KCNJ2: variants seen among roughly 807,000 people sequenced by gnomAD.
KCNJ2 encodes the protein inward rectifier potassium channel 2.
A neutral mutation model predicts 28.4 loss-of-function variants in KCNJ2; 12 were observed. That is an observed-to-expected ratio of 0.42 (90% CI 0.27 to 0.68). The LOEUF is 0.68. Ranked by LOEUF, KCNJ2 falls within the 30% of genes least tolerant of loss-of-function variation. KCNJ2 has a pLI of 0.23. For missense variants in KCNJ2, 320 were observed against 551.3 expected, an observed-to-expected ratio of 0.58 and a Z score of 4.20; for synonymous variants, 200 against 203.2, an observed-to-expected ratio of 0.98 and a Z score of 0.13.
In KCNJ2 at chr17:70,176,269, C is replaced by T; in HGVS notation, c.1230C>T (p.Asn410=). ...TDTPPDIDLH[N]QASVPLEPRP... ...CGCCCCCTGACATAGACCTTCACAA[C>T]CAGGCAAGTGTACCTCTAGAGCCCA... Residue 410 remains asparagine, a synonymous_variant, in exon 2 of 2, where the codon AAC becomes AAT. Coordinates refer to ENST00000243457, the MANE Select transcript of KCNJ2 (RefSeq NM_000891.3). 1.9e-6 allele frequency: 3 copies of T among 1,614,166 alleles called. No homozygotes were observed. The highest frequency in any genetic ancestry group is 2.5e-6 in the Non-Finnish European group (3 of 1,180,042).
chr17:70,172,160 C>T (rs772173947), intron 1 of KCNJ2, among the ~76,000 whole-genome samples: 10 of 151,872 alleles, frequency 6.6e-5, no homozygotes, highest in East Asian at 3.9e-4. Flanking sequence ...ATATTAAGAC[C>T]GTTACCCCAT....
At position 70,175,474 on chromosome 17, in the gene KCNJ2, T is replaced by C. The variant is rs773185250; in HGVS notation, c.435T>C (p.Tyr145=). Residue 145 remains tyrosine (Y), a synonymous_variant, in exon 2 of 2, where the codon TAT becomes TAC. Coordinates refer to ENST00000243457, the MANE Select transcript of KCNJ2 (RefSeq NM_000891.3). This position sits in a 1 kb window ranked among gnomAD's most constrained non-coding sequence, Gnocchi z 8.3. ...FSIETQTTIG[Y]GFRCVTDECP... ...TTGAGACCCAGACAACCATAGGCTA[T>C]GGTTTCAGATGTGTCACGGATGAAT... 2 of 1,614,224 alleles carry C rather than the reference T, an allele frequency of 1.2e-6. No homozygotes were observed. The highest frequency in any genetic ancestry group is 3.3e-5 in the Admixed American group (2 of 60,030).
chr17:70,175,552 C>T lies in KCNJ2; in HGVS notation c.513C>T (p.Ile171=), dbSNP rs573888708. 1.8e-5 allele frequency: 29 copies of T among 1,614,144 alleles called. No individual in the cohort carries two copies. The highest frequency in any genetic ancestry group is 8.3e-5 in the Admixed American group (5 of 60,012). ...TCCAGTCAATCGTGGGCTGCATCAT[C>T]GATGCTTTCATCATTGGCGCAGTCA... is the stretch of plus-strand genomic sequence containing the variant. ...VVFQSIVGCI[I]DAFIIGAVMA... The change falls in exon 2 of 2, where the codon ATC becomes ATT. Residue 171 remains isoleucine, a synonymous_variant. Transcript: ENST00000243457. The surrounding 1 kb of genome is among the most constrained non-coding windows in gnomAD (Gnocchi z 8.3).
chr17:70,172,064 G>C lies in KCNJ2; in HGVS notation c.-217+2363G>C, dbSNP rs536801239. On this transcript the variant is annotated intron_variant, in intron 1 of 1. Transcript: ENST00000243457. Reference sequence around the variant, plus strand: ...CTCACGAATTGGTAATTGCTAGTGAGAGGACCGGGCAAGGAAGTTTTCTGC... The same window carrying C: ...CTCACGAATTGGTAATTGCTAGTGACAGGACCGGGCAAGGAAGTTTTCTGC... Among the ~76,000 whole-genome samples, 6 of 152,084 alleles carry C rather than the reference G, an allele frequency of 3.9e-5. No homozygotes were observed. In the East Asian group the frequency reaches 1.2e-3, roughly 29 times the overall value.
In KCNJ2 at chr17:70,176,267, A is replaced by C; in HGVS notation, c.1228A>C (p.Asn410His). 6.2e-7 allele frequency: 1 copy of C among 1,614,176 alleles called. No homozygotes were observed. Among genetic ancestry groups the C allele is most frequent in the Non-Finnish European group, 8.5e-7 (1 of 1,180,042 alleles). ...CACGCCCCCTGACATAGACCTTCAC[A>C]ACCAGGCAAGTGTACCTCTAGAGCC... The part of the protein sequence containing the change: ...TDTPPDIDLH[N>H]QASVPLEPRP... The change falls in exon 2 of 2, where the codon AAC becomes CAC. Residue 410 changes from asparagine (N) to histidine (H), a missense_variant. By Grantham distance (68) the Asn-to-His change is moderately conservative. Around this residue, in one of 3 missense-constraint regions of KCNJ2, gnomAD observed 155 missense variants for 231.6 expected, o/e 0.67. Coordinates refer to ENST00000243457, the MANE Select transcript of KCNJ2 (RefSeq NM_000891.3).
Sources: gnomAD v4.1 joint callset for allele counts (sites outside exome capture counted in the v4.1 genomes callset) on GRCh38, gnomAD v4.1.1 for gene constraint, gnomAD v4.1.1 regional missense constraint, Gnocchi (gnomAD v3.1) non-coding constraint, MANE v1.5 for transcripts, NCBI Gene and HGNC (gene_info 2026-07-23, HGNC 2026-07-21) for gene names.